The following PCNT variants were observed in gnomAD, a reference collection of about 807,000 sequenced individuals.
PCNT encodes the protein kendrin.
PCNT carries 319 observed loss-of-function variants against 380.4 expected under a neutral mutation model. That is an observed-to-expected ratio of 0.84 (90% confidence interval 0.77 to 0.92). PCNT has a LOEUF of 0.92. Ranked by LOEUF, PCNT falls within the 40% of genes least tolerant of loss-of-function variation. The pLI is 0.00. For missense variants in PCNT, 4,400 were observed against 4,255.3 expected (o/e 1.03, Z -0.95); for synonymous variants, 1,845 against 1,735.2 (o/e 1.06, Z -1.57).
intron 45 of PCNT, 60 bp from the exon 46 acceptor site, chr21:46,444,634 G>A: frequency 6.4e-7 from 1 of 1,574,692 alleles, no homozygotes; most frequent in South Asian, 1.1e-5. Context: ...GGCTCCGTCT[G>A]TCAAACTCAA....
At chr21:46,377,798 C>G (rs1190006332) in intron 15 of PCNT, among the ~76,000 whole-genome samples, 1 of 152,212 alleles carries the variant, frequency 6.6e-6, no homozygotes, top group Non-Finnish European at 1.5e-5. Context: ...AGCAAGCTGA[C>G]ATCGCACCAC....
chr21:46,395,635 C>A (rs960152914), intron 21 of PCNT, among the ~76,000 whole-genome samples: 1 of 150,864 alleles, frequency 6.6e-6, no homozygotes, highest in Non-Finnish European at 1.5e-5. Context: ...AACAGAGACT[C>A]CATCTCAGAA....
chr21:46,432,304 T>C, intron 38 of PCNT, 89 bp downstream of exon 38: 2 of 1,295,632 alleles, frequency 1.5e-6, no homozygotes, highest in South Asian at 1.3e-5. Flanking sequence ...GCGAGATTTA[T>C]GTCTGGCCCT....
rs116753193 is a variant in PCNT, at chr21:46,443,167, G to A, written c.9700+594G>A. On this transcript the variant is annotated intron_variant, in intron 44 of 46. Coordinates refer to ENST00000359568, the MANE Select transcript of PCNT (RefSeq NM_006031.6). ...GGCTTAGGCTGCCTGAACCACCGCCGACTGGCACCATGACTCGGCATTCCT... is the reference window on the plus strand; with the variant it reads ...GGCTTAGGCTGCCTGAACCACCGCCAACTGGCACCATGACTCGGCATTCCT... 6.9e-3 allele frequency: 1,118 copies of A among 162,112 alleles called. 14 individuals carry two copies. Among genetic ancestry groups the A allele is most frequent in the African/African-American group, 0.025 (1,033 of 41,626 alleles). 10.0% of individuals were successfully genotyped at this position (162,112 alleles called of 1,614,324 possible).
intron 33 of PCNT, among the ~76,000 whole-genome samples, chr21:46,427,001 C>G (rs1348502331): frequency 6.6e-6 from 1 of 152,188 alleles, no homozygotes; most frequent in African/African-American, 2.4e-5. Flanking sequence ...TGGTTGTGTG[C>G]GAGCGGCAGC....
intron 1 of PCNT, chr21:46,325,020 C>G: frequency 4.1e-6 from 4 of 985,344 alleles, no homozygotes; most frequent in Non-Finnish European, 4.8e-6. Context: ...GCGCTGGCGC[C>G]GGGCGCCTTC....
chr21:46,363,612 G>C lies in PCNT; in HGVS notation c.2287G>C (p.Ala763Pro). 1 of 1,614,204 alleles carries C rather than the reference G, an allele frequency of 6.2e-7. No individual in the cohort carries two copies. The highest frequency in any genetic ancestry group is 1.1e-5 in the South Asian group (1 of 91,072). ...TATGAAGGAGGAGCTACAGCGGGAA[G>C]CTGAGGAGAAGTTAACATTGATGCT... ...KVMKEELQRE[A>P]EEKLTLMLLE... Residue 763 changes from alanine to proline, a missense_variant, in exon 14 of 47, where the codon GCT (alanine) becomes CCT (proline). Ala to Pro is a conservative substitution (Grantham distance 27). Transcript: ENST00000359568.
At position 46,346,880 on chromosome 21, in the gene PCNT, C is replaced by A; in HGVS notation, c.858C>A (p.Ser286Arg). 3.1e-6 allele frequency: 5 copies of A among 1,607,480 alleles called. No homozygotes were observed. Among genetic ancestry groups the A allele is most frequent in the Non-Finnish European group, 4.2e-6 (5 of 1,177,714 alleles). The change falls in exon 5 of 47, where the codon AGC (serine) becomes AGA (arginine). Residue 286 changes from serine to arginine, a missense_variant. Ser to Arg is a moderately radical substitution (Grantham distance 110). Coordinates refer to ENST00000359568, the MANE Select transcript of PCNT (RefSeq NM_006031.6). ...ALTELREMLN[S>R]RRAQELALLQ... Reference sequence around the variant, plus strand: ...CGGAGCTGCGGGAGATGCTCAACAGCCGGCGTGCCCAGGAGCTGGCCCTGC... The same window carrying A: ...CGGAGCTGCGGGAGATGCTCAACAGACGGCGTGCCCAGGAGCTGGCCCTGC...
chr21:46,429,865 C>T, intron 35 of PCNT, 145 bp from the exon 36 acceptor site: 7 of 667,568 alleles, frequency 1.0e-5, no homozygotes, highest in South Asian at 9.2e-5. Context: ...GTTCCACCCG[C>T]AGTGAAAGCT....
chr21:46,360,585 A>G (rs1258934758), intron 13 of PCNT, among the ~76,000 whole-genome samples: 3 of 121,998 alleles, frequency 2.5e-5, no homozygotes, highest in African/African-American at 9.7e-5. Flanking sequence ...GTGGTGCGAT[A>G]TCCGCCCACT....
chr21:46,437,416 G>T lies in PCNT; in HGVS notation c.9099+335G>T, dbSNP rs1173279149. Among the ~76,000 whole-genome samples, 6 of 152,172 alleles carry T rather than the reference G, an allele frequency of 3.9e-5. No homozygotes were observed. In the East Asian group the frequency reaches 1.2e-3, roughly 29 times the overall value. The stretch of plus-strand genomic sequence containing the variant: ...AGCCCCCTCACATGCTGCTCGCTGT[G>T]CATGACCTGGACACATTGCAGGTCG... On this transcript the variant is annotated intron_variant, in intron 40 of 46. Transcript: ENST00000359568.
chr21:46,395,767 A>G (rs2086188670), intron 21 of PCNT, among the ~76,000 whole-genome samples: 1 of 151,764 alleles, frequency 6.6e-6, no homozygotes, highest in Admixed American at 6.6e-5. Flanking sequence ...AATAATAGTA[A>G]TAAAATAGAG....
Position 46,412,035 on chromosome 21 carries a change from G to A in PCNT, c.5962G>A (p.Ala1988Thr). The change falls in exon 28 of 47, where the codon GCT becomes ACT. Residue 1988 changes from alanine (A) to threonine (T), a missense_variant. Coordinates refer to ENST00000359568, the MANE Select transcript of PCNT (RefSeq NM_006031.6). ...CGGCGACGTGGAGGCCTCCCATGAT[G>A]CTGCTTTGGAGCCGGTTGTCCCTGA... ...VTGDVEASHDAALEPVVPDPQ... is the reference protein window; with the variant it reads ...VTGDVEASHDTALEPVVPDPQ... The A allele has an allele frequency of 6.2e-7, 1 of 1,608,332 alleles. No homozygotes were observed.
chr21:46,441,501 C>G (rs954146071), intron 43 of PCNT, among the ~76,000 whole-genome samples: 2 of 152,218 alleles, frequency 1.3e-5, no homozygotes, highest in Non-Finnish European at 2.9e-5. Flanking sequence ...CTAGGAATCC[C>G]GCTCCTTTCA....
At position 46,389,077 on chromosome 21, in the gene PCNT, C is replaced by T. The variant is rs567246910; in HGVS notation, c.3608-122C>T. Reference sequence around the variant, plus strand: ...AATTTGTCAGCTCCCGTGGACGTGGCGCTGACTCATCTCGGCTGGGGCGAC... The same window carrying T: ...AATTTGTCAGCTCCCGTGGACGTGGTGCTGACTCATCTCGGCTGGGGCGAC... On this transcript the variant is annotated intron_variant, in intron 18 of 46. Coordinates refer to ENST00000359568, the MANE Select transcript of PCNT (RefSeq NM_006031.6). 3.3e-4 allele frequency: 412 copies of T among 1,262,624 alleles called. 2 individuals carry two copies. The highest frequency in any genetic ancestry group is 1.4e-4 in the South Asian group (11 of 78,794). 78.2% of individuals were successfully genotyped at this position (1,262,624 alleles called of 1,614,324 possible).
At chr21:46,355,826 G>A (rs1256546316) in intron 12 of PCNT, among the ~76,000 whole-genome samples, 200 bp downstream of exon 12, 1 of 152,198 alleles carries the variant, frequency 6.6e-6, no homozygotes, top group Non-Finnish European at 1.5e-5. Context: ...GGCTGGGCAG[G>A]AGTGCGTGTC....
chr21:46,394,804 T>C (rs1315412162), intron 21 of PCNT, among the ~76,000 whole-genome samples: 1 of 152,274 alleles, frequency 6.6e-6, no homozygotes, highest in African/African-American at 2.4e-5. Flanking sequence ...TTGTGATAGT[T>C]ACAGCTGTTC....
Position 46,435,901 on chromosome 21 carries a change from C to T in PCNT, c.8752-3C>T. On this transcript the variant is annotated splice_polypyrimidine_tract_variant and splice_region_variant and intron_variant, in intron 38 of 46. Coordinates refer to ENST00000359568, the MANE Select transcript of PCNT (RefSeq NM_006031.6). The stretch of plus-strand genomic sequence containing the variant: ...TTCTCTGTCTTTTTTCTGTTAACAA[C>T]AGCGAGAATTAGAACTGCAGCGTCA... 1 of 1,614,148 alleles carries T rather than the reference C, an allele frequency of 6.2e-7. No homozygotes were observed. Among genetic ancestry groups the T allele is most frequent in the Non-Finnish European group, 8.5e-7 (1 of 1,180,010 alleles).
chr21:46,434,173 C>G (rs1349717521), intron 38 of PCNT, among the ~76,000 whole-genome samples: 1 of 152,248 alleles, frequency 6.6e-6, no homozygotes, highest in Non-Finnish European at 1.5e-5. Flanking sequence ...TAGTGGCATG[C>G]TGGATACAAT....
Sources: allele counts gnomAD v4.1 joint callset (sites outside exome capture counted in the v4.1 genomes callset), GRCh38; gene constraint gnomAD v4.1.1; transcripts MANE v1.5; gene names NCBI Gene and HGNC (gene_info 2026-07-23, HGNC 2026-07-21).